SV2C: variants seen among roughly 807,000 people sequenced by gnomAD.
The protein encoded by SV2C is synaptic vesicle glycoprotein 2C.
SV2C carries 49 observed loss-of-function variants against 79.7 expected under a neutral mutation model. The ratio of observed to expected loss-of-function variants is 0.61; its 90% CI spans 0.49 to 0.78. The LOEUF is 0.78. SV2C is among the 30% of genes least tolerant of loss of function. The probability of loss-of-function intolerance (pLI) is 0.00; values close to 1 mark genes in which losing one functional copy is unlikely to be tolerated. For synonymous variants in SV2C, 334 were observed against 333.2 expected (o/e 1.00, Z -0.03); for missense variants, 833 against 912.9 (o/e 0.91, Z 1.13).
chr5:76,189,915 C>A (rs985122123), intron 2 of SV2C, among the ~76,000 whole-genome samples: 1 of 152,158 alleles, frequency 6.6e-6, no homozygotes, highest in African/African-American at 2.4e-5. Context: ...AGCTCCCTTT[C>A]CTTTCACACT....
chr5:76,047,023 T>C, the SV2C span, among the ~76,000 whole-genome samples: 1 of 152,234 alleles, frequency 6.6e-6, no homozygotes, highest in Non-Finnish European at 1.5e-5. Flanking sequence ...TTTTTTCCAT[T>C]ATCTGACTCA....
At chr5:75,969,129 A>G in the SV2C span, among the ~76,000 whole-genome samples, 2 of 152,178 alleles carry the variant, frequency 1.3e-5, no homozygotes, top group Non-Finnish European at 2.9e-5. Flanking sequence ...AAATGCTGAG[A>G]GATTTTGTCA....
At chr5:76,191,321 C>T (rs1205982879) in intron 2 of SV2C, among the ~76,000 whole-genome samples, 1 of 152,106 alleles carries the variant, frequency 6.6e-6, no homozygotes, top group Non-Finnish European at 1.5e-5. Context: ...GGGACACAGA[C>T]CCAAACCTTA....
intron 4 of SV2C, among the ~76,000 whole-genome samples, chr5:76,219,742 C>A (rs1343198815): frequency 6.6e-6 from 1 of 152,154 alleles, no homozygotes; most frequent in Non-Finnish European, 1.5e-5. Flanking sequence ...CTGGCCAGAT[C>A]TGGGAAACAC....
the SV2C span, among the ~76,000 whole-genome samples, chr5:75,932,113 C>G: frequency 6.6e-6 from 1 of 152,220 alleles, no homozygotes; most frequent in Non-Finnish European, 1.5e-5. Context: ...AGTGAGCAGT[C>G]TGGCTTCTGG....
intron 2 of SV2C, among the ~76,000 whole-genome samples, chr5:76,168,357 A>T (rs1743106006): frequency 6.6e-6 from 1 of 152,110 alleles, no homozygotes; most frequent in Non-Finnish European, 1.5e-5. Flanking sequence ...CAACTGCAGT[A>T]GCTGCCCCCA....
At position 76,298,917 on chromosome 5, in the gene SV2C, T is replaced by C. The variant is rs1307506742; in HGVS notation, c.1626T>C (p.Phe542=). The C allele has an allele frequency of 6.2e-7, 1 of 1,613,632 alleles. No homozygotes were observed. Among genetic ancestry groups the C allele is most frequent in the African/African-American group, 1.3e-5 (1 of 74,920 alleles). Residue 542 remains phenylalanine, a synonymous_variant, in exon 10 of 13, where the codon TTT becomes TTC. Transcript: ENST00000502798. ...FKNCTFIDTV[F]DNTDFEPYKF... ...ACTGCACATTTATTGACACTGTTTT[T>C]GACAACACAGGTAGGTGTGCTACTT... is the stretch of plus-strand genomic sequence containing the variant.
intron 4 of SV2C, among the ~76,000 whole-genome samples, chr5:76,245,911 A>AGTGTGTGT: frequency 6.9e-6 from 1 of 145,294 alleles, no homozygotes; most frequent in East Asian, 2.0e-4. Context: ...GAGGCAGGGG[A>AGTGTGTGT]GTGTGTGTGT....
the SV2C span, among the ~76,000 whole-genome samples, chr5:75,850,829 C>A: frequency 2.6e-5 from 4 of 152,192 alleles, no homozygotes; most frequent in South Asian, 6.2e-4. Context: ...CTGTGTGCTG[C>A]AGAGGGCTTT....
At chr5:76,126,808 T>G (rs1360711525) in intron 1 of SV2C, among the ~76,000 whole-genome samples, 1 of 152,146 alleles carries the variant, frequency 6.6e-6, no homozygotes, top group Non-Finnish European at 1.5e-5. Flanking sequence ...CACAAAAACG[T>G]GGCAGATGTA....
intron 2 of SV2C, among the ~76,000 whole-genome samples, chr5:76,190,225 T>C (rs1419044431): frequency 2.6e-5 from 4 of 152,144 alleles, no homozygotes; most frequent in African/African-American, 4.8e-5. Flanking sequence ...TCATAACAGG[T>C]CTAGGGACCA....
the SV2C span, among the ~76,000 whole-genome samples, chr5:75,865,908 G>A: frequency 6.6e-6 from 1 of 152,184 alleles, no homozygotes; most frequent in Non-Finnish European, 1.5e-5. Context: ...GAATGGAGTG[G>A]CCTTGGAGAC....
At chr5:75,930,278 A>C in the SV2C span, among the ~76,000 whole-genome samples, 2 of 152,220 alleles carry the variant, frequency 1.3e-5, no homozygotes, top group Non-Finnish European at 2.9e-5. Context: ...ACCAGGAAGA[A>C]ATGCAAGCAG....
At chr5:76,177,898 C>T (rs908153647) in intron 2 of SV2C, among the ~76,000 whole-genome samples, 4 of 152,086 alleles carry the variant, frequency 2.6e-5, no homozygotes, top group East Asian at 1.9e-4. Context: ...ACCAGTTCCT[C>T]TTAGATATTT....
chr5:76,271,616 CTTTTTTTT>C (rs34458409), intron 4 of SV2C, among the ~76,000 whole-genome samples: 3 of 96,064 alleles, frequency 3.1e-5, no homozygotes, highest in East Asian at 3.3e-4. Flanking sequence ...AGCATGTGTT[CTTTTTTTT>C]TTTTTTTTTT....
intron 4 of SV2C, among the ~76,000 whole-genome samples, chr5:76,257,033 T>A (rs1439386708): frequency 6.6e-6 from 1 of 152,100 alleles, no homozygotes; most frequent in Non-Finnish European, 1.5e-5. Flanking sequence ...ACATTTCCAT[T>A]TTGTTTAGGC....
intron 12 of SV2C, among the ~76,000 whole-genome samples, chr5:76,318,160 C>A (rs1453453330): frequency 6.6e-6 from 1 of 152,162 alleles, no homozygotes; most frequent in Non-Finnish European, 1.5e-5. Context: ...TGGCTCATGC[C>A]GGTAATCCCA....
chr5:75,963,150 C>T, the SV2C span, among the ~76,000 whole-genome samples: 8 of 152,094 alleles, frequency 5.3e-5, no homozygotes, highest in Admixed American at 1.3e-4. Context: ...AGAGAGTGAA[C>T]GTCTTTCATA....
chr5:75,993,800 G>A, the SV2C span, among the ~76,000 whole-genome samples: 29 of 151,994 alleles, frequency 1.9e-4, no homozygotes, highest in Admixed American at 3.9e-4. Context: ...AGCTTTTCAC[G>A]TGATGTCATC....
Sources: gnomAD v4.1 joint callset for allele counts (sites outside exome capture counted in the v4.1 genomes callset) on GRCh38, gnomAD v4.1.1 for gene constraint, MANE v1.5 for transcripts, NCBI Gene and HGNC (gene_info 2026-07-23, HGNC 2026-07-21) for gene names.